CCSER1: variants seen among roughly 807,000 people sequenced by gnomAD.
CCSER1 encodes serine-rich coiled-coil domain-containing protein 1.
Under a neutral mutation model 82.0 loss-of-function variants are expected in CCSER1, and 41 were observed. The ratio of observed to expected loss-of-function variants is 0.50; its 90% CI spans 0.39 to 0.65. The LOEUF (loss-of-function observed/expected upper bound fraction) is 0.65, where lower values mean the gene tolerates loss of function less well. CCSER1 is among the 30% of genes least tolerant of loss of function. CCSER1 has a pLI of 0.00. For missense variants in CCSER1, 1,119 were observed against 1,064.2 expected (o/e 1.05, Z -0.72); for synonymous variants, 414 against 383.9 (o/e 1.08, Z -0.92).
At chr4:90,628,309 C>T (rs1354521921) in intron 6 of CCSER1, 77 bp downstream of exon 6, 1 of 1,133,482 alleles carries the variant, frequency 8.8e-7, no homozygotes, top group Non-Finnish European at 1.3e-6. Flanking sequence ...AGACCCTGCT[C>T]TGTCAGTAAT....
At chr4:91,049,639 T>C (rs1176901070) in intron 9 of CCSER1, among the ~76,000 whole-genome samples, 1 of 152,214 alleles carries the variant, frequency 6.6e-6, no homozygotes, top group East Asian at 1.9e-4. Flanking sequence ...AGTAATCAAA[T>C]TGTGTCATTC....
intron 4 of CCSER1, among the ~76,000 whole-genome samples, chr4:90,408,020 C>A (rs375786164): frequency 6.6e-6 from 1 of 152,174 alleles, no homozygotes; most frequent in African/African-American, 2.4e-5. Context: ...CCTACGTCCA[C>A]GGAGCCTCAC....
chr4:90,582,570 A>G (rs566060968), intron 5 of CCSER1, among the ~76,000 whole-genome samples: 1 of 152,228 alleles, frequency 6.6e-6, no homozygotes, highest in Non-Finnish European at 1.5e-5. Context: ...ATTGTTTATC[A>G]ATCAGTTAAC....
At chr4:90,451,098 C>T (rs919196440) in intron 4 of CCSER1, among the ~76,000 whole-genome samples, 4 of 152,078 alleles carry the variant, frequency 2.6e-5, no homozygotes, top group African/African-American at 9.7e-5. Flanking sequence ...ATTGTGGTCT[C>T]CAAGCACAGT....
At chr4:91,467,213 C>A (rs1011631418) in intron 10 of CCSER1, among the ~76,000 whole-genome samples, 1 of 150,136 alleles carries the variant, frequency 6.7e-6, no homozygotes, top group Non-Finnish European at 1.5e-5. Context: ...ACATCTACAA[C>A]CATCTTTGAC....
intron 1 of CCSER1, among the ~76,000 whole-genome samples, chr4:90,216,285 T>A (rs1741012332): frequency 6.6e-6 from 1 of 152,208 alleles, no homozygotes; most frequent in African/African-American, 2.4e-5. Context: ...GAAAAGCGCT[T>A]CACTAGTTGC....
At chr4:90,638,982 C>G (rs188262806) in intron 6 of CCSER1, among the ~76,000 whole-genome samples, 37 of 152,034 alleles carry the variant, frequency 2.4e-4, no homozygotes, top group African/African-American at 8.9e-4. Context: ...ATATTAATAA[C>G]TACCTCATAG....
intron 1 of CCSER1, among the ~76,000 whole-genome samples, chr4:90,276,092 T>C (rs747432503): frequency 2.6e-5 from 4 of 152,098 alleles, no homozygotes; most frequent in Non-Finnish European, 5.9e-5. Flanking sequence ...CAACCTGACA[T>C]ATCTTGATAT....
chr4:91,106,095 C>T (rs1561553438), intron 10 of CCSER1, among the ~76,000 whole-genome samples: 1 of 152,150 alleles, frequency 6.6e-6, no homozygotes, highest in Non-Finnish European at 1.5e-5. Flanking sequence ...TGGCAAGATA[C>T]ATTTCACTCT....
intron 9 of CCSER1, among the ~76,000 whole-genome samples, chr4:90,973,456 A>G (rs1237052468): frequency 2.0e-5 from 3 of 151,712 alleles, no homozygotes; most frequent in African/African-American, 7.3e-5. Context: ...CATAAGTACA[A>G]TGAGTTATCA....
intron 3 of CCSER1, among the ~76,000 whole-genome samples, chr4:90,371,414 A>G (rs1451696750): frequency 6.6e-6 from 1 of 152,098 alleles, no homozygotes; most frequent in Admixed American, 6.6e-5. Flanking sequence ...ATGCCTTAAG[A>G]TATGACATAT....
chr4:91,402,750 C>G (rs531265986), intron 10 of CCSER1, among the ~76,000 whole-genome samples: 1 of 145,810 alleles, frequency 6.9e-6, no homozygotes, highest in South Asian at 2.1e-4. Context: ...TTCTATTGGT[C>G]TATCTCTCTG....
In CCSER1 at chr4:90,400,086, G is replaced by A; in HGVS notation, c.1560G>A (p.Met520Ile). Residue 520 changes from methionine to isoleucine, a missense_variant, in exon 4 of 11, where the codon ATG becomes ATA. Transcript: ENST00000509176. ...GTGAACTGGATGAAGATGATCTAAT[G>A]CTTGATCTTGAATTTTTAGAGGAAC... is the stretch of plus-strand genomic sequence containing the variant. ...GSCELDEDDL[M>I]LDLEFLEEQS... is the part of the protein sequence containing the mutation. 1.9e-6 allele frequency: 3 copies of A among 1,608,184 alleles called. No homozygotes were observed. The highest frequency in any genetic ancestry group is 2.6e-6 in the Non-Finnish European group (3 of 1,175,572).
chr4:90,698,759 A>T (rs1328651209), intron 6 of CCSER1, among the ~76,000 whole-genome samples: 1 of 152,176 alleles, frequency 6.6e-6, no homozygotes, highest in African/African-American at 2.4e-5. Flanking sequence ...TTTATTACAC[A>T]TGAAAAACTA....
intron 6 of CCSER1, among the ~76,000 whole-genome samples, chr4:90,660,540 A>G (rs1478021859): frequency 6.6e-6 from 1 of 152,146 alleles, no homozygotes; most frequent in Non-Finnish European, 1.5e-5. Context: ...TCTAATATTT[A>G]TATAGCCATA....
chr4:91,530,185 G>T (rs937049010), intron 10 of CCSER1, among the ~76,000 whole-genome samples: 2 of 151,976 alleles, frequency 1.3e-5, no homozygotes, highest in Non-Finnish European at 2.9e-5. Context: ...CTCAAAAGAG[G>T]CATGTGCTTT....
intron 7 of CCSER1, among the ~76,000 whole-genome samples, chr4:90,811,099 A>T (rs1758229916): frequency 2.0e-5 from 3 of 152,086 alleles, no homozygotes; most frequent in Admixed American, 6.5e-5. Context: ...TCGGCCTTCC[A>T]AAGTGCTGGG....
intron 10 of CCSER1, among the ~76,000 whole-genome samples, chr4:91,587,881 C>G (rs977935971): frequency 6.6e-6 from 1 of 151,472 alleles, no homozygotes; most frequent in Non-Finnish European, 1.5e-5. Flanking sequence ...CTTATAAAAT[C>G]AAGGTATTAA....
chr4:91,250,672 T>A (rs1261049951), intron 10 of CCSER1, among the ~76,000 whole-genome samples: 3 of 150,502 alleles, frequency 2.0e-5, no homozygotes, highest in African/African-American at 7.4e-5. Flanking sequence ...AAATGATGCC[T>A]TTTTTTTGGT....
Sources: gnomAD v4.1 joint callset for allele counts (sites outside exome capture counted in the v4.1 genomes callset) on GRCh38, gnomAD v4.1.1 for gene constraint, MANE v1.5 for transcripts, NCBI Gene and HGNC (gene_info 2026-07-23, HGNC 2026-07-21) for gene names.